The following PACRG variants were observed in gnomAD, a reference collection of about 807,000 sequenced individuals.
The protein encoded by PACRG is parkin coregulated gene protein.
A neutral mutation model predicts 29.7 loss-of-function variants in PACRG; 29 were observed. That is an observed-to-expected ratio of 0.98 (90% CI 0.73 to 1.33). The LOEUF (loss-of-function observed/expected upper bound fraction) is 1.33. PACRG is among the 40% of genes most tolerant of loss of function. The pLI is 0.00. For missense variants in PACRG, 279 were observed against 316.2 expected (o/e 0.88, Z 0.89); for synonymous variants, 116 against 118.7 (o/e 0.98, Z 0.15).
chr6:162,882,963 C>T (rs1278801304), intron 2 of PACRG, among the ~76,000 whole-genome samples: 1 of 152,248 alleles, frequency 6.6e-6, no homozygotes, highest in Non-Finnish European at 1.5e-5. Context: ...AACCCTCAGC[C>T]AGGCTTGAGC....
chr6:162,808,268 C>T (rs539844022), intron 1 of PACRG, among the ~76,000 whole-genome samples: 1 of 152,262 alleles, frequency 6.6e-6, no homozygotes, highest in East Asian at 1.9e-4. Flanking sequence ...CTTGCCCACC[C>T]GTTTATAACA....
At chr6:162,881,871 G>A (rs1793882490) in intron 2 of PACRG, among the ~76,000 whole-genome samples, 1 of 148,072 alleles carries the variant, frequency 6.8e-6, no homozygotes, top group South Asian at 2.2e-4. Flanking sequence ...CAGAGACCAG[G>A]GGGCGCTCTC....
intron 4 of PACRG, chr6:163,112,088 A>T (rs1312607834): frequency 3.2e-5 from 30 of 940,536 alleles, no homozygotes; most frequent in Non-Finnish European, 3.7e-5. Flanking sequence ...ATTGAGGGAA[A>T]GGATTCTGGG....
intron 1 of PACRG, among the ~76,000 whole-genome samples, chr6:162,764,382 T>C (rs545093266): frequency 4.4e-4 from 65 of 147,484 alleles, no homozygotes; most frequent in Non-Finnish European, 8.4e-4. Flanking sequence ...ATTTTAATCT[T>C]TTTAGCATTG....
intron 2 of PACRG, among the ~76,000 whole-genome samples, chr6:162,882,502 G>C (rs1298162328): frequency 1.3e-5 from 2 of 152,224 alleles, no homozygotes; most frequent in African/African-American, 2.4e-5. Flanking sequence ...ATTCTTGGAT[G>C]TAAGAATTAC....
At chr6:163,083,882 ATAG>A (rs1813302017) in intron 3 of PACRG, among the ~76,000 whole-genome samples, 1 of 152,196 alleles carries the variant, frequency 6.6e-6, no homozygotes, top group African/African-American at 2.4e-5. Context: ...ATGACATCTA[ATAG>A]TAGAAAAAGT....
At chr6:163,036,910 A>G in intron 2 of PACRG, among the ~76,000 whole-genome samples, 1 of 144,932 alleles carries the variant, frequency 6.9e-6, no homozygotes, top group East Asian at 2.1e-4. Context: ...CCATCCATCC[A>G]TCCATTCACC....
In PACRG at chr6:162,747,457, TAA is replaced by T. The variant is rs551019235; in HGVS notation, c.156+19068_156+19069del. ...GTAAAACTATATATATATATAACTA[TAA>T]ATATATATGTAAAACTATATATATA... On this transcript the variant is annotated intron_variant, in intron 1 of 4. Transcript: ENST00000366888. Among the ~76,000 whole-genome samples the T allele has an allele frequency of 8.2e-3, 804 of 97,588 alleles. 151 individuals carry two copies. The highest frequency in any genetic ancestry group is 0.016 in the African/African-American group (315 of 20,098). 64.0% of individuals were successfully genotyped at this position (97,588 alleles called of 152,430 possible). A position where few individuals can be genotyped will look rare whatever the true frequency, so the allele number is the denominator to read the frequency against.
intron 4 of PACRG, among the ~76,000 whole-genome samples, chr6:163,185,516 A>G (rs1268799983): frequency 2.6e-5 from 4 of 152,202 alleles, no homozygotes; most frequent in African/African-American, 9.7e-5. Flanking sequence ...TATATAAGCC[A>G]TTTTAAAGGA....
intron 4 of PACRG, among the ~76,000 whole-genome samples, chr6:163,146,362 G>C (rs1466564864): frequency 6.6e-6 from 1 of 152,142 alleles, no homozygotes; most frequent in Non-Finnish European, 1.5e-5. Flanking sequence ...CAGAAGTCAA[G>C]TTGATCATCT....
chr6:162,810,104 C>T (rs1786714447), intron 1 of PACRG, among the ~76,000 whole-genome samples: 1 of 152,078 alleles, frequency 6.6e-6, no homozygotes, highest in Non-Finnish European at 1.5e-5. Flanking sequence ...TCACTCCTGC[C>T]CCTTCCAGCC....
At chr6:162,873,939 T>G (rs1793044739) in intron 2 of PACRG, among the ~76,000 whole-genome samples, 1 of 152,134 alleles carries the variant, frequency 6.6e-6, no homozygotes, top group Non-Finnish European at 1.5e-5. Flanking sequence ...TTATCTTCTT[T>G]TCAATAAACG....
chr6:162,871,423 G>C (rs1194907801), intron 2 of PACRG, among the ~76,000 whole-genome samples: 2 of 152,090 alleles, frequency 1.3e-5, no homozygotes, highest in Non-Finnish European at 2.9e-5. Flanking sequence ...GAAGAACATT[G>C]TTTAGCACTA....
intron 4 of PACRG, among the ~76,000 whole-genome samples, chr6:163,307,699 G>A (rs1785240055): frequency 6.6e-6 from 1 of 152,076 alleles, no homozygotes; most frequent in Non-Finnish European, 1.5e-5. Flanking sequence ...TGGTTAAGGG[G>A]GAGAAAAGTT....
At chr6:162,730,580 T>G (rs1197992388) in intron 1 of PACRG, among the ~76,000 whole-genome samples, 1 of 152,158 alleles carries the variant, frequency 6.6e-6, no homozygotes, top group African/African-American at 2.4e-5. Flanking sequence ...ATAATAAATA[T>G]GTTTCATCAA....
chr6:163,144,863 A>G (rs1777732792), intron 4 of PACRG, among the ~76,000 whole-genome samples: 1 of 152,226 alleles, frequency 6.6e-6, no homozygotes, highest in Non-Finnish European at 1.5e-5. Context: ...GTACAGATGT[A>G]AAGTCTGAAA....
chr6:162,878,488 A>G (rs2128008153), intron 2 of PACRG, among the ~76,000 whole-genome samples: 1 of 152,308 alleles, frequency 6.6e-6, no homozygotes, highest in African/African-American at 2.4e-5. Flanking sequence ...GAATAGACTG[A>G]ATCTTTTTCT....
chr6:162,751,130 T>A (rs936160002), intron 1 of PACRG, among the ~76,000 whole-genome samples: 1 of 152,018 alleles, frequency 6.6e-6, no homozygotes, highest in Non-Finnish European at 1.5e-5. Context: ...TTTATGCATA[T>A]GATACAAGCC....
chr6:162,890,306 A>T (rs533446757), intron 2 of PACRG, among the ~76,000 whole-genome samples: 1 of 152,338 alleles, frequency 6.6e-6, no homozygotes, highest in South Asian at 2.1e-4. Context: ...TCTAAGGAAG[A>T]AACCTTATGA....
Sources: allele counts gnomAD v4.1 joint callset (sites outside exome capture counted in the v4.1 genomes callset), GRCh38; gene constraint gnomAD v4.1.1; transcripts MANE v1.5; gene names NCBI Gene and HGNC (gene_info 2026-07-23, HGNC 2026-07-21).